Variants in MICU2 observed in about 807,000 individuals in gnomAD.
MICU2 encodes the protein mitochondrial calcium uptake 2, also known as calcium uptake protein 2, mitochondrial.
A neutral mutation model predicts 60.4 loss-of-function variants in MICU2; 64 were observed. That is an observed-to-expected ratio of 1.06 (90% CI 0.87 to 1.31). The LOEUF (loss-of-function observed/expected upper bound fraction) is 1.31. Among genes scored for constraint, MICU2 ranks in the 50% most tolerant of loss-of-function variants. The pLI is 0.00. For synonymous variants in MICU2, 201 were observed against 175.0 expected (o/e 1.15, Z -1.17); for missense variants, 569 against 531.0 (o/e 1.07, Z -0.70).
At position 21,566,897 on chromosome 13, in the gene MICU2, A is replaced by T. The variant is rs1175347998; in HGVS notation, c.258T>A (p.Arg86=). Residue 86 remains arginine (R), a synonymous_variant, in exon 2 of 12, where the codon CGT becomes CGA. Transcript: ENST00000382374. ...GIIYIGKPSL[R]KQRFMQFSSL... ...AAGAAAACTGCATGAAGCGCTGCTT[A>T]CGAAGAGACGGTTTCCCAATATATA... 4.3e-6 allele frequency: 7 copies of T among 1,611,730 alleles called. No homozygotes were observed. In the African/African-American group the frequency reaches 8.0e-5, roughly 18 times the overall value.
At chr13:21,543,152 A>C (rs1160582939) in intron 2 of MICU2, among the ~76,000 whole-genome samples, 1 of 152,224 alleles carries the variant, frequency 6.6e-6, no homozygotes, top group Non-Finnish European at 1.5e-5. Flanking sequence ...ATGGAAACCA[A>C]GGCAGAAAAT....
At chr13:21,567,049 C>A in intron 1 of MICU2, 105 bp from the exon 2 acceptor site, 1 of 931,340 alleles carries the variant, frequency 1.1e-6, no homozygotes, top group Non-Finnish European at 1.5e-6. Context: ...CTGACAATCC[C>A]CAAACTTTTA....
chr13:21,572,756 A>G (rs989390280), intron 1 of MICU2, among the ~76,000 whole-genome samples: 1 of 152,124 alleles, frequency 6.6e-6, no homozygotes, highest in Non-Finnish European at 1.5e-5. Context: ...GGGTCCTGGG[A>G]TTTTAAATTT....
At chr13:21,558,571 G>A (rs759113271) in intron 2 of MICU2, among the ~76,000 whole-genome samples, 2 of 152,070 alleles carry the variant, frequency 1.3e-5, no homozygotes, top group Non-Finnish European at 2.9e-5. Flanking sequence ...TGGTGAAGTC[G>A]GTTTCTTTGG....
At chr13:21,529,465 G>C (rs1000216648) in intron 4 of MICU2, among the ~76,000 whole-genome samples, 1 of 152,232 alleles carries the variant, frequency 6.6e-6, no homozygotes, top group Non-Finnish European at 1.5e-5. Flanking sequence ...CACTGAAAGA[G>C]ATTTGGGAGT....
intron 4 of MICU2, among the ~76,000 whole-genome samples, chr13:21,536,377 A>G (rs1887131640): frequency 6.6e-6 from 1 of 151,582 alleles, no homozygotes; most frequent in Admixed American, 6.6e-5. Context: ...TCTGTTGCCC[A>G]GGTGACCACA....
At chr13:21,576,611 T>G (rs1888232697) in intron 1 of MICU2, among the ~76,000 whole-genome samples, 1 of 152,190 alleles carries the variant, frequency 6.6e-6, no homozygotes, top group African/African-American at 2.4e-5. Context: ...GATTCATTCA[T>G]ATAGTATTTT....
Position 21,533,873 on chromosome 13 carries a change from T to C in MICU2, c.466+5429A>G, listed in dbSNP as rs1441542943. On this transcript the variant is annotated intron_variant, in intron 4 of 11. Coordinates refer to ENST00000382374, the MANE Select transcript of MICU2 (RefSeq NM_152726.3). ...CATTGCTCATTAGGAGGCAGAACTT[T>C]CTTCTAGTATATCTTAGAAATAATT... Among the ~76,000 whole-genome samples, 5 of 152,176 alleles carry C rather than the reference T, an allele frequency of 3.3e-5. No individual in the cohort carries two copies. In the East Asian group the frequency reaches 9.6e-4, roughly 29 times the overall value.
chr13:21,564,909 A>T (rs991933387), intron 2 of MICU2, among the ~76,000 whole-genome samples: 5 of 152,174 alleles, frequency 3.3e-5, no homozygotes, highest in Admixed American at 3.3e-4. Context: ...GTTCACACTC[A>T]GATTCCAGCA....
chr13:21,509,808 C>T lies in MICU2; in HGVS notation c.761+196G>A, dbSNP rs183183832. Among the ~76,000 whole-genome samples the T allele has an allele frequency of 1.5e-4, 23 of 152,204 alleles. No homozygotes were observed. The East Asian group carries it at 1.9e-3, about 13-fold the overall frequency. ...AGATACTACTTTCTATAGTAAGGTA[C>T]GATATTTTGAGCATACTAATTTTAG... is the stretch of plus-strand genomic sequence containing the variant. On this transcript the variant is annotated intron_variant, in intron 8 of 11. Coordinates refer to ENST00000382374, the MANE Select transcript of MICU2 (RefSeq NM_152726.3).
chr13:21,566,790 A>G lies in MICU2; in HGVS notation c.358+7T>C. Reference sequence around the variant, plus strand: ...TTTTAATTAAAAAAAAAAAAGACCCAACTCACGTTCCATTTGCTCAAACAT... The same window carrying G: ...TTTTAATTAAAAAAAAAAAAGACCCGACTCACGTTCCATTTGCTCAAACAT... On this transcript the variant is annotated splice_region_variant and intron_variant, in intron 2 of 11. Coordinates refer to ENST00000382374, the MANE Select transcript of MICU2 (RefSeq NM_152726.3). The G allele has an allele frequency of 6.5e-7, 1 of 1,542,768 alleles. No individual in the cohort carries two copies. Among genetic ancestry groups the G allele is most frequent in the South Asian group, 1.3e-5 (1 of 79,484 alleles).
chr13:21,530,383 A>G (rs2138179998), intron 4 of MICU2, among the ~76,000 whole-genome samples: 1 of 152,218 alleles, frequency 6.6e-6, no homozygotes, highest in South Asian at 2.1e-4. Context: ...GACTTTGCCT[A>G]AGGGGGGAAA....
intron 1 of MICU2, among the ~76,000 whole-genome samples, chr13:21,584,887 T>C (rs1260067135): frequency 1.3e-5 from 2 of 152,306 alleles, no homozygotes; most frequent in South Asian, 2.1e-4. Flanking sequence ...AACAGAAGCA[T>C]AATTTGTATA....
In MICU2 at chr13:21,531,162, C is replaced by G. The variant is rs1243903966; in HGVS notation, c.466+8140G>C. On this transcript the variant is annotated intron_variant, in intron 4 of 11. Transcript: ENST00000382374. ...TATCTATGAAGACATGCTAGAAAAC[C>G]ACTGTGACAAAAAGGAAGACATTCT... is the stretch of plus-strand genomic sequence containing the variant. 5 of 920,230 alleles carry G rather than the reference C, an allele frequency of 5.4e-6. No homozygotes were observed. In the Admixed American group the frequency reaches 8.6e-5, roughly 16 times the overall value. The allele number at this position is 920,230 out of a possible 1,614,324, so 57.0% of individuals were successfully genotyped here.
chr13:21,599,138 A>C (rs1379092821), intron 1 of MICU2, among the ~76,000 whole-genome samples: 1 of 152,180 alleles, frequency 6.6e-6, no homozygotes, highest in African/African-American at 2.4e-5. Flanking sequence ...ATCAGTGGAG[A>C]AACTGTCTTC....
intron 1 of MICU2, among the ~76,000 whole-genome samples, chr13:21,597,293 G>C (rs565687902): frequency 6.6e-6 from 1 of 152,134 alleles, no homozygotes; most frequent in African/African-American, 2.4e-5. Context: ...TAGCAGATAA[G>C]AGCGAAGTCT....
intron 1 of MICU2, among the ~76,000 whole-genome samples, chr13:21,602,035 G>GA (rs1245283211): frequency 1.3e-5 from 2 of 151,664 alleles, no homozygotes; most frequent in African/African-American, 4.9e-5. Flanking sequence ...TTGAACCGGG[G>GA]AGTTAAGAGG....
intron 4 of MICU2, among the ~76,000 whole-genome samples, chr13:21,528,343 G>A (rs1043629890): frequency 6.6e-6 from 1 of 152,100 alleles, no homozygotes; most frequent in South Asian, 2.1e-4. Context: ...TCTTTAAAAA[G>A]TGTATCTTCT....
intron 2 of MICU2, among the ~76,000 whole-genome samples, chr13:21,540,726 T>C (rs1003459109): frequency 1.3e-5 from 2 of 152,180 alleles, no homozygotes; most frequent in African/African-American, 2.4e-5. Context: ...TTTTACTCAC[T>C]GGAGAAACTA....
Sources: allele counts gnomAD v4.1 joint callset (sites outside exome capture counted in the v4.1 genomes callset), GRCh38; gene constraint gnomAD v4.1.1; transcripts MANE v1.5; gene names NCBI Gene and HGNC (gene_info 2026-07-23, HGNC 2026-07-21).